Variants in HIVEP1 observed in about 807,000 individuals in gnomAD.
HIVEP1 encodes the protein zinc finger protein 40.
HIVEP1 carries 36 observed loss-of-function variants against 180.0 expected under a neutral mutation model. That is an observed-to-expected ratio of 0.20 (90% CI 0.15 to 0.26). The LOEUF is 0.26. HIVEP1 is among the 10% of genes least tolerant of loss of function. The pLI, the probability that HIVEP1 is intolerant of heterozygous loss-of-function variation, is 1.00. For synonymous variants in HIVEP1, 1,239 were observed against 1,239.0 expected, an observed-to-expected ratio of 1.00 and a Z score of 0.00; for missense variants, 3,143 against 3,268.7, an observed-to-expected ratio of 0.96 and a Z score of 0.94.
At position 12,085,416 on chromosome 6, in the gene HIVEP1, G is replaced by A. The variant is rs182738185; in HGVS notation, c.41-3768G>A. On this transcript the variant is annotated intron_variant, in intron 2 of 8. Transcript: ENST00000379388. ...TTGAAGAGAGAACAGAAGTGGCAAA[G>A]GGCAAAGAGGTAACTAGATTACAAA... 2.0e-3 allele frequency among the ~76,000 whole-genome samples: 297 copies of A among 152,164 alleles called. 1 individual carries two copies. The highest frequency in any genetic ancestry group is 6.8e-3 in the African/African-American group (283 of 41,524).
At chr6:12,068,009 A>G (rs1457959496) in intron 2 of HIVEP1, among the ~76,000 whole-genome samples, 1 of 151,786 alleles carries the variant, frequency 6.6e-6, no homozygotes, top group Non-Finnish European at 1.5e-5. Flanking sequence ...TTAATTTCTG[A>G]TTCGTGCTGG....
chr6:12,035,004 A>T (rs1769185314), intron 2 of HIVEP1, among the ~76,000 whole-genome samples: 1 of 152,244 alleles, frequency 6.6e-6, no homozygotes, highest in Non-Finnish European at 1.5e-5. Flanking sequence ...GTGTAAATCA[A>T]GCGCTTGGTA....
Position 12,163,653 on chromosome 6 carries a change from G to C in HIVEP1, c.7349G>C (p.Gly2450Ala). Residue 2450 changes from glycine to alanine, a missense_variant, in exon 9 of 9, where the codon GGC becomes GCC. Physicochemically the swap from Gly to Ala is moderately conservative, Grantham distance 60. Around this residue, in one of 12 missense-constraint regions of HIVEP1, gnomAD observed 595 missense variants for 602.2 expected, o/e 0.99. Transcript: ENST00000379388. The part of the protein sequence containing the change: ...THRNTVTEVS[G>A]TTNPAGVAEL... Reference sequence around the variant, plus strand: ...AGGAATACGGTCACAGAAGTGTCTGGCACTACAAACCCTGCTGGAGTGGCT... The same window carrying C: ...AGGAATACGGTCACAGAAGTGTCTGCCACTACAAACCCTGCTGGAGTGGCT... 2 of 1,614,118 alleles carry C rather than the reference G, an allele frequency of 1.2e-6. No individual in the cohort carries two copies. Among genetic ancestry groups the C allele is most frequent in the African/African-American group, 2.7e-5 (2 of 75,018 alleles).
chr6:12,196,514 C>T, the HIVEP1 span, among the ~76,000 whole-genome samples: 3 of 152,180 alleles, frequency 2.0e-5, no homozygotes, highest in Admixed American at 2.0e-4. Context: ...TTGCCTCTAT[C>T]CCACAGCTCT....
the HIVEP1 span, among the ~76,000 whole-genome samples, chr6:12,205,649 C>A: frequency 6.6e-6 from 1 of 152,086 alleles, no homozygotes; most frequent in South Asian, 2.1e-4. Flanking sequence ...GACAACCATA[C>A]CTACCCCTTG....
intron 2 of HIVEP1, among the ~76,000 whole-genome samples, chr6:12,054,898 A>T (rs1256244040): frequency 6.6e-6 from 1 of 152,188 alleles, no homozygotes; most frequent in African/African-American, 2.4e-5. Flanking sequence ...CTACATGTTA[A>T]ATACCCATTT....
At chr6:12,207,742 A>AAATTAATAATAAT in the HIVEP1 span, among the ~76,000 whole-genome samples, 1 of 138,176 alleles carries the variant, frequency 7.2e-6, no homozygotes, top group Non-Finnish European at 1.5e-5. Context: ...AGTCTCTACA[A>AAATTAATAATAAT]AATAATAATA....
At chr6:12,022,568 G>T (rs1768310311) in intron 2 of HIVEP1, among the ~76,000 whole-genome samples, 1 of 152,168 alleles carries the variant, frequency 6.6e-6, no homozygotes, top group Non-Finnish European at 1.5e-5. Flanking sequence ...TATGTGGTTG[G>T]TTTCCTTGTG....
intron 3 of HIVEP1, among the ~76,000 whole-genome samples, chr6:12,111,721 C>T (rs750395861): frequency 1.3e-5 from 2 of 152,164 alleles, no homozygotes; most frequent in Non-Finnish European, 2.9e-5. Context: ...TGACTTCAGC[C>T]CTAAGAGATT....
intron 2 of HIVEP1, among the ~76,000 whole-genome samples, chr6:12,056,033 T>C (rs1033396616): frequency 1.3e-5 from 2 of 152,204 alleles, no homozygotes; most frequent in Non-Finnish European, 2.9e-5. Context: ...AAGTCATATA[T>C]TGGATTAAAT....
At chr6:12,139,557 G>C (rs1163648948) in intron 7 of HIVEP1, among the ~76,000 whole-genome samples, 2 of 152,240 alleles carry the variant, frequency 1.3e-5, no homozygotes, top group African/African-American at 4.8e-5. Flanking sequence ...GAAGCACAAG[G>C]GGTCAGGGGA....
intron 2 of HIVEP1, among the ~76,000 whole-genome samples, chr6:12,057,829 C>T (rs1238852217): frequency 6.6e-6 from 1 of 152,024 alleles, no homozygotes; most frequent in Non-Finnish European, 1.5e-5. Context: ...TCAGTAGAAT[C>T]CTTTCTAATA....
At chr6:12,011,435 GC>G (rs1356441304), upstream of HIVEP1, among the ~76,000 whole-genome samples, 2 of 148,832 alleles carry the variant, frequency 1.3e-5, no homozygotes, top group Non-Finnish European at 3.0e-5. Flanking sequence ...CGGACCAACC[GC>G]CCCCAACTGA....
At chr6:12,025,379 T>C (rs1768511904) in intron 2 of HIVEP1, among the ~76,000 whole-genome samples, 1 of 152,228 alleles carries the variant, frequency 6.6e-6, no homozygotes, top group Admixed American at 6.5e-5. Context: ...TATTCCAAGT[T>C]AGATTTGCTA....
chr6:12,056,991 C>G (rs1303501990), intron 2 of HIVEP1, among the ~76,000 whole-genome samples: 1 of 152,004 alleles, frequency 6.6e-6, no homozygotes, highest in African/African-American at 2.4e-5. Flanking sequence ...TGTGCAGCAC[C>G]ACACCTGACT....
At chr6:12,048,453 G>A (rs1770282660) in intron 2 of HIVEP1, among the ~76,000 whole-genome samples, 1 of 152,082 alleles carries the variant, frequency 6.6e-6, no homozygotes, top group Admixed American at 6.5e-5. Context: ...AGCAATTCTT[G>A]GCCTTCCAAC....
At position 12,124,439 on chromosome 6, in the gene HIVEP1, G is replaced by A. The variant is rs1471004038; in HGVS notation, c.4644G>A (p.Gly1548=). ...SKPDKNSVLS[G]SSKSEDCFAP... is the part of the protein sequence containing the mutation. ...CAGATAAAAATTCTGTTTTATCTGG[G>A]TCTTCTAAAAGTGAGGATTGCTTTG... Residue 1548 remains glycine, a synonymous_variant, in exon 4 of 9, where the codon GGG becomes GGA. Transcript: ENST00000379388. The A allele has an allele frequency of 1.9e-6, 3 of 1,613,978 alleles. No individual in the cohort carries two copies. The highest frequency in any genetic ancestry group is 3.3e-5 in the Admixed American group (2 of 60,002).
At chr6:12,197,653 T>C in the HIVEP1 span, among the ~76,000 whole-genome samples, 2 of 151,774 alleles carry the variant, frequency 1.3e-5, no homozygotes, top group African/African-American at 4.8e-5. Context: ...ATTTGTATCA[T>C]AGAATATTTT....
chr6:12,036,234 T>C (rs1173296447), intron 2 of HIVEP1, among the ~76,000 whole-genome samples: 1 of 152,216 alleles, frequency 6.6e-6, no homozygotes, highest in Non-Finnish European at 1.5e-5. Flanking sequence ...TTATCTTTAA[T>C]AGCAAAACAG....
Sources: allele counts gnomAD v4.1 joint callset (sites outside exome capture counted in the v4.1 genomes callset), GRCh38; gene constraint gnomAD v4.1.1; regional missense constraint gnomAD v4.1.1; transcripts MANE v1.5; gene names NCBI Gene and HGNC (gene_info 2026-07-23, HGNC 2026-07-21).